RIMS1: variants seen among roughly 807,000 people sequenced by gnomAD.
RIMS1 encodes the protein regulating synaptic membrane exocytosis protein 1.
A neutral mutation model predicts 214.1 loss-of-function variants in RIMS1; 83 were observed. That is an observed-to-expected ratio of 0.39 (90% CI 0.32 to 0.47). RIMS1 has a LOEUF of 0.47. RIMS1 is among the 20% of genes least tolerant of loss of function. RIMS1 has a pLI of 0.99. For missense variants in RIMS1, 2,050 were observed against 2,161.8 expected, an observed-to-expected ratio of 0.95 and a Z score of 1.03; for synonymous variants, 793 against 786.8, an observed-to-expected ratio of 1.01 and a Z score of -0.13.
intron 1 of RIMS1, among the ~76,000 whole-genome samples, chr6:71,924,655 A>G (rs79081228): frequency 0.026 from 3,926 of 148,608 alleles, 229 homozygotes; most frequent in African/African-American, 0.096. Flanking sequence ...AAAATGCAGA[A>G]AATTAGCTGA....
intron 2 of RIMS1, among the ~76,000 whole-genome samples, chr6:71,972,515 T>C (rs1242311006): frequency 6.6e-6 from 1 of 152,206 alleles, no homozygotes; most frequent in Admixed American, 6.5e-5. Flanking sequence ...GTCAATATAC[T>C]TTATATTTTT....
chr6:71,927,709 CTCT>C (rs1377519884), intron 1 of RIMS1, among the ~76,000 whole-genome samples: 1 of 151,992 alleles, frequency 6.6e-6, no homozygotes. Context: ...TAATGGTTAG[CTCT>C]TCTTTTTTGA....
At chr6:72,262,851 G>T in intron 19 of RIMS1, 9 of 671,184 alleles carry the variant, frequency 1.3e-5, no homozygotes, top group Non-Finnish European at 1.7e-5. Context: ...AAAATCTGAG[G>T]ATTTACTAGT....
intron 23 of RIMS1, among the ~76,000 whole-genome samples, chr6:72,276,117 G>A (rs2086258796): frequency 6.6e-6 from 1 of 152,122 alleles, no homozygotes; most frequent in African/African-American, 2.4e-5. Context: ...GAAGGGTGAG[G>A]TGCACACACA....
At chr6:71,890,658 C>T (rs1240364290) in intron 1 of RIMS1, among the ~76,000 whole-genome samples, 3 of 147,086 alleles carry the variant, frequency 2.0e-5, no homozygotes, top group Admixed American at 1.4e-4. Context: ...AGAGTTAAGG[C>T]GATGGTTTGA....
chr6:72,113,110 C>T (rs560153956), intron 4 of RIMS1, among the ~76,000 whole-genome samples: 1 of 152,238 alleles, frequency 6.6e-6, no homozygotes, highest in Non-Finnish European at 1.5e-5. Context: ...AGCCACAGGG[C>T]AGTGTGCAGA....
At position 72,182,449 on chromosome 6, in the gene RIMS1, T is replaced by C. The variant is rs775487591; in HGVS notation, c.978T>C (p.Asp326=). 6.2e-6 allele frequency: 10 copies of C among 1,613,572 alleles called. No individual in the cohort carries two copies. Among genetic ancestry groups the C allele is most frequent in the Admixed American group, 1.7e-5 (1 of 59,962 alleles). ...GGCTTGAGAAAGGGCGATCACAGGA[T>C]TACCCAGACACGCCGGAAAAACGGG... is the stretch of plus-strand genomic sequence containing the variant. ...SRRLEKGRSQ[D]YPDTPEKRDE... Residue 326 remains aspartate (D), a synonymous_variant, in exon 6 of 34, where the codon GAT becomes GAC. Coordinates refer to ENST00000521978, the MANE Select transcript of RIMS1 (RefSeq NM_014989.7).
intron 2 of RIMS1, among the ~76,000 whole-genome samples, chr6:71,993,408 C>T (rs1802478076): frequency 6.6e-6 from 1 of 152,176 alleles, no homozygotes; most frequent in Non-Finnish European, 1.5e-5. Flanking sequence ...AAGTTCATGA[C>T]ATGCAAAGCA....
At chr6:72,388,687 G>C (rs2098654367) in intron 29 of RIMS1, among the ~76,000 whole-genome samples, 1 of 152,136 alleles carries the variant, frequency 6.6e-6, no homozygotes, top group Admixed American at 6.5e-5. Context: ...CCAGACTTGT[G>C]ATGCATTTTG....
intron 6 of RIMS1, among the ~76,000 whole-genome samples, chr6:72,211,515 A>G (rs150404108): frequency 2.5e-4 from 38 of 152,286 alleles, no homozygotes; most frequent in East Asian, 2.1e-3. Flanking sequence ...GATGTTTTTC[A>G]GCTTTTGAAA....
chr6:72,006,955 C>T (rs1477874547), intron 2 of RIMS1, among the ~76,000 whole-genome samples: 1 of 152,222 alleles, frequency 6.6e-6, no homozygotes, highest in East Asian at 1.9e-4. Flanking sequence ...ATGTCCCTGT[C>T]TGACAGCTTG....
chr6:72,070,949 A>G (rs1338722470), intron 2 of RIMS1, among the ~76,000 whole-genome samples: 4 of 152,216 alleles, frequency 2.6e-5, no homozygotes. Context: ...GGTTGAAGGA[A>G]ATCGAAAGAA....
intron 1 of RIMS1, among the ~76,000 whole-genome samples, chr6:71,961,597 A>G (rs1229535362): frequency 6.6e-6 from 1 of 151,976 alleles, no homozygotes; most frequent in Non-Finnish European, 1.5e-5. Context: ...CTGCAGTTCC[A>G]CTTGAGCTTC....
At chr6:72,151,096 G>T (rs1324051919) in intron 4 of RIMS1, among the ~76,000 whole-genome samples, 1 of 151,970 alleles carries the variant, frequency 6.6e-6, no homozygotes, top group Non-Finnish European at 1.5e-5. Context: ...AGGCTGGAGT[G>T]CAGTGGCGCA....
chr6:71,947,769 A>G (rs1005574098), intron 1 of RIMS1, among the ~76,000 whole-genome samples: 2 of 152,158 alleles, frequency 1.3e-5, no homozygotes, highest in East Asian at 3.8e-4. Context: ...GTATACATAT[A>G]TGAAATATGT....
intron 28 of RIMS1, among the ~76,000 whole-genome samples, chr6:72,321,651 C>A (rs2096173608): frequency 6.6e-6 from 1 of 152,108 alleles, no homozygotes; most frequent in South Asian, 2.1e-4. Flanking sequence ...TTTATTATCA[C>A]TCCCCTAAGG....
intron 6 of RIMS1, among the ~76,000 whole-genome samples, chr6:72,206,135 C>A (rs2052863708): frequency 6.6e-6 from 1 of 152,084 alleles, no homozygotes; most frequent in Non-Finnish European, 1.5e-5. Flanking sequence ...ATTTACCATT[C>A]ATTCCTTGGC....
chr6:72,359,709 C>G (rs776405372), intron 29 of RIMS1, among the ~76,000 whole-genome samples: 1 of 152,150 alleles, frequency 6.6e-6, no homozygotes, highest in Non-Finnish European at 1.5e-5. Context: ...TGTAAAATAG[C>G]AAGGGTTCCT....
At chr6:72,327,231 C>T (rs1350345180) in intron 28 of RIMS1, among the ~76,000 whole-genome samples, 1 of 151,730 alleles carries the variant, frequency 6.6e-6, no homozygotes, top group Non-Finnish European at 1.5e-5. Context: ...ATCACCTTTT[C>T]CATTTAATGC....
Sources: gnomAD v4.1 joint callset for allele counts (sites outside exome capture counted in the v4.1 genomes callset) on GRCh38, gnomAD v4.1.1 for gene constraint, MANE v1.5 for transcripts, NCBI Gene and HGNC (gene_info 2026-07-23, HGNC 2026-07-21) for gene names.